WDR75: variants seen among roughly 807,000 people sequenced by gnomAD.
WDR75 encodes the protein WD repeat domain 75, also known as WD repeat-containing protein 75.
Under a neutral mutation model 106.1 loss-of-function variants are expected in WDR75, and 52 were observed. The observed-to-expected ratio is 0.49, with a 90% CI of 0.39 to 0.62. The LOEUF is 0.62. Ranked by LOEUF, WDR75 falls within the 20% of genes least tolerant of loss-of-function variation. The pLI, the probability that WDR75 is intolerant of heterozygous loss-of-function variation, is 0.00. For missense variants in WDR75, 905 were observed against 970.3 expected (o/e 0.93, Z 0.89); for synonymous variants, 333 against 335.5 (o/e 0.99, Z 0.08).
At chr2:189,464,667 T>G (rs1042752473) in intron 11 of WDR75, among the ~76,000 whole-genome samples, 2 of 152,164 alleles carry the variant, frequency 1.3e-5, no homozygotes, top group Non-Finnish European at 2.9e-5. Flanking sequence ...TTGGCTATCT[T>G]TTTTCATTTC....
chr2:189,444,509 AG>A (rs1686453007), intron 1 of WDR75, among the ~76,000 whole-genome samples: 2 of 152,172 alleles, frequency 1.3e-5, no homozygotes, highest in Non-Finnish European at 2.9e-5. Flanking sequence ...TGGGGTTGTT[AG>A]GGTAGAGAAA....
chr2:189,475,259 A>T lies in WDR75; in HGVS notation c.2335A>T (p.Ser779Cys), dbSNP rs1558991346. 1.2e-6 allele frequency: 2 copies of T among 1,613,204 alleles called. No individual in the cohort carries two copies. Among genetic ancestry groups the T allele is most frequent in the Non-Finnish European group, 8.5e-7 (1 of 1,179,522 alleles). ...EDVDMEEEKE[S>C]EDSDEENDFT... Reference sequence around the variant, plus strand: ...TGTAGATATGGAAGAAGAAAAAGAAAGTGAAGATTCAGATGAAGAAAATGA... The same window carrying T: ...TGTAGATATGGAAGAAGAAAAAGAATGTGAAGATTCAGATGAAGAAAATGA... Residue 779 changes from serine (S) to cysteine (C), a missense_variant, in exon 21 of 21, where the codon AGT (serine) becomes TGT (cysteine). Transcript: ENST00000314761.
Position 189,466,581 on chromosome 2 carries a change from C to T in WDR75, c.1446C>T (p.Tyr482=), listed in dbSNP as rs115285167. Residue 482 remains tyrosine, a splice_region_variant and synonymous_variant, in exon 13 of 21, where the codon TAC becomes TAT. Transcript: ENST00000314761. Reference sequence around the variant, plus strand: ...TATTAACAGATGACTCTGACATATACAGTAAGTTATTAAATATGTTATGTT... The same window carrying T: ...TATTAACAGATGACTCTGACATATATAGTAAGTTATTAAATATGTTATGTT... ...VWILTDDSDI[Y]KKAVGWTCDF... 5,031 of 1,599,880 alleles carry T rather than the reference C, an allele frequency of 3.1e-3. 142 individuals are homozygous for T. The African/African-American group carries it at 0.061, about 19-fold the overall frequency.
intron 17 of WDR75, 43 bp downstream of exon 17, chr2:189,470,288 A>C: frequency 1.3e-6 from 2 of 1,574,028 alleles, no homozygotes; most frequent in Non-Finnish European, 1.7e-6. Flanking sequence ...TGTACATGGA[A>C]TTTTAGACTA....
Position 189,466,570 on chromosome 2 carries a change from TC to T in WDR75, c.1436del (p.Ser479LeufsTer35), listed in dbSNP as rs1687005144. ...YFKVWILTDD[S>X]DIYKKAVGWT... ...CAAAGTATGGATATTAACAGATGAC[TC>T]TGACATATACAGTAAGTTATTAAAT... On this transcript the variant is annotated frameshift_variant, in exon 13 of 21. Transcript: ENST00000314761. LOFTEE classifies it high-confidence loss of function. 6.2e-7 allele frequency: 1 copy of T among 1,611,352 alleles called. No individual in the cohort carries two copies. The highest frequency in any genetic ancestry group is 8.5e-7 in the Non-Finnish European group (1 of 1,178,746).
intron 8 of WDR75, 76 bp from the exon 9 acceptor site, chr2:189,462,408 A>G (rs1467581370): frequency 1.0e-5 from 16 of 1,535,614 alleles, no homozygotes; most frequent in Non-Finnish European, 1.4e-5. Flanking sequence ...AGCAAAAACA[A>G]AAGTGTTAAT....
chr2:189,470,318 G>A lies in WDR75; in HGVS notation c.1989+73G>A, dbSNP rs78092058. The stretch of plus-strand genomic sequence containing the variant: ...AGACTAATAGCCCATGACTATTGGT[G>A]TGAGTTTGTTTCTAGGTGAAACAGC... On this transcript the variant is annotated intron_variant, in intron 17 of 20. Transcript: ENST00000314761. 1.6e-3 allele frequency: 2,442 copies of A among 1,489,812 alleles called. 39 individuals are homozygous for A. In the African/African-American group the frequency reaches 0.03, roughly 18 times the overall value. 92.3% of individuals were successfully genotyped at this position (1,489,812 alleles called of 1,614,324 possible).
intron 2 of WDR75, chr2:189,449,706 G>A (rs1686575996): frequency 1.0e-6 from 1 of 988,626 alleles, no homozygotes; most frequent in African/African-American, 1.7e-5. Context: ...GTAATTATAT[G>A]TTTGACTTGT....
intron 1 of WDR75, among the ~76,000 whole-genome samples, chr2:189,445,465 CT>C (rs1283011759): frequency 3.3e-5 from 5 of 151,956 alleles, no homozygotes; most frequent in Admixed American, 3.3e-4. Flanking sequence ...TGAGGAAGGG[CT>C]TCCGGGAGAA....
chr2:189,471,019 C>T (rs1687109077), intron 18 of WDR75, 141 bp downstream of exon 18: 3 of 430,096 alleles, frequency 7.0e-6, no homozygotes, highest in Non-Finnish European at 7.9e-6. Context: ...TGATATGTGT[C>T]TCTTGAAAGT....
Position 189,467,663 on chromosome 2 carries a change from G to A in WDR75, c.1628+15G>A, listed in dbSNP as rs1322349613. On this transcript the variant is annotated intron_variant, in intron 14 of 20. Coordinates refer to ENST00000314761, the MANE Select transcript of WDR75 (RefSeq NM_032168.3). ...GGGAAAATAAGGTAGGTAAATCTTC[G>A]GGAAGTATGTAGTACTATTTTTTAA... The A allele has an allele frequency of 4.4e-6, 7 of 1,583,438 alleles. No individual in the cohort carries two copies. The highest frequency in any genetic ancestry group is 4.1e-5 in the African/African-American group (3 of 73,620).
At chr2:189,450,270 A>G (rs76703993) in intron 2 of WDR75, 41,808 of 985,656 alleles carry the variant, frequency 0.042, 1,228 homozygotes, top group African/African-American at 0.14. Flanking sequence ...CATATAAGGT[A>G]AAAGGAGTTT....
intron 17 of WDR75, among the ~76,000 whole-genome samples, 188 bp from the exon 18 acceptor site, chr2:189,470,631 C>T (rs1687097171): frequency 6.6e-6 from 1 of 151,402 alleles, no homozygotes; most frequent in Non-Finnish European, 1.5e-5. Context: ...TTAAGTATCT[C>T]TCAGACATAA....
At chr2:189,471,218 C>A (rs1024398348) in intron 18 of WDR75, among the ~76,000 whole-genome samples, 1 of 152,138 alleles carries the variant, frequency 6.6e-6, no homozygotes, top group African/African-American at 2.4e-5. Flanking sequence ...TCTAAGAAAT[C>A]TCTAAGAAAT....
intron 1 of WDR75, 47 bp downstream of exon 1, chr2:189,441,625 T>G (rs1249767253): frequency 6.5e-7 from 1 of 1,540,254 alleles, no homozygotes. Context: ...GGGCGTGAGT[T>G]TCTCGAGGGT....
intron 5 of WDR75, 37 bp downstream of exon 5, chr2:189,455,481 A>G: frequency 1.3e-6 from 2 of 1,584,098 alleles, no homozygotes; most frequent in Non-Finnish European, 8.6e-7. Flanking sequence ...TTTTGTACCT[A>G]AAATTTCTTT....
At chr2:189,450,402 A>C in intron 2 of WDR75, 4 of 958,276 alleles carry the variant, frequency 4.2e-6, no homozygotes, top group African/African-American at 1.8e-5. Flanking sequence ...TCTGTCTCCC[A>C]GGCTGGAGTA....
rs745620541 is a variant in WDR75 at position 189,465,219 on chromosome 2, A to G, written c.1254A>G (p.Gln418=). 4 of 1,613,048 alleles carry G rather than the reference A, an allele frequency of 2.5e-6. No homozygotes were observed. The Admixed American group carries it at 6.7e-5, about 27-fold the overall frequency. ...RQEKETELEL[Q]MKLWMYNKKT... Reference sequence around the variant, plus strand: ...AAAAGGAAACTGAGCTTGAATTGCAAATGAAACTGTGGATGTATAATAAGA... The same window carrying G: ...AAAAGGAAACTGAGCTTGAATTGCAGATGAAACTGTGGATGTATAATAAGA... Residue 418 remains glutamine, a synonymous_variant, in exon 12 of 21, where the codon CAA becomes CAG. Transcript: ENST00000314761.
At chr2:189,465,752 T>G (rs1686986779) in intron 12 of WDR75, among the ~76,000 whole-genome samples, 1 of 152,152 alleles carries the variant, frequency 6.6e-6, no homozygotes, top group Non-Finnish European at 1.5e-5. Context: ...AAAAGAACAC[T>G]GTAAGATAAG....
Sources: allele counts gnomAD v4.1 joint callset (sites outside exome capture counted in the v4.1 genomes callset), GRCh38; gene constraint gnomAD v4.1.1; transcripts MANE v1.5; gene names NCBI Gene and HGNC (gene_info 2026-07-23, HGNC 2026-07-21).